Variants in CACNA2D4 observed in about 807,000 individuals in gnomAD.
CACNA2D4 encodes voltage-dependent calcium channel subunit alpha-2/delta-4.
CACNA2D4 carries 157 observed loss-of-function variants against 163.8 expected under a neutral mutation model. That is an observed-to-expected ratio of 0.96 (90% confidence interval 0.84 to 1.09). The LOEUF (loss-of-function observed/expected upper bound fraction) is 1.09, where lower values mean the gene tolerates loss of function less well. Among genes scored for constraint, CACNA2D4 ranks in the 50% least tolerant of loss-of-function variants. The probability of loss-of-function intolerance (pLI) is 0.00; values close to 1 mark genes in which losing one functional copy is unlikely to be tolerated. For synonymous variants in CACNA2D4, 598 were observed against 586.9 expected (o/e 1.02, Z -0.27); for missense variants, 1,410 against 1,479.9 (o/e 0.95, Z 0.78).
chr12:1,870,776 G>A (rs1214648501), intron 18 of CACNA2D4, among the ~76,000 whole-genome samples: 1 of 152,084 alleles, frequency 6.6e-6, no homozygotes, highest in African/African-American at 2.4e-5. Context: ...GGGGGTCTGT[G>A]AATTCTGTTA....
At chr12:1,832,006 A>T (rs912516280) in intron 26 of CACNA2D4, among the ~76,000 whole-genome samples, 3 of 152,210 alleles carry the variant, frequency 2.0e-5, no homozygotes, top group Non-Finnish European at 4.4e-5. Context: ...ATCCTCAGTA[A>T]AACCAAATCT....
In CACNA2D4 at chr12:1,884,948, T is replaced by C. The variant is rs1866099258; in HGVS notation, c.1158+39A>G. ...CACCCCCCTCCACCTGCCGCCTTCC[T>C]CCCAGTCCTCCCCTCCCAGGCCTCA... On this transcript the variant is annotated intron_variant, in intron 10 of 37. Coordinates refer to ENST00000382722, the MANE Select transcript of CACNA2D4 (RefSeq NM_172364.5). The C allele has an allele frequency of 1.9e-6, 3 of 1,601,134 alleles. No homozygotes were observed. In the African/African-American group the frequency reaches 4.0e-5, roughly 21 times the overall value.
At position 1,918,335 on chromosome 12, in the gene CACNA2D4, C is replaced by T. The variant is rs74606734; in HGVS notation, c.139G>A (p.Val47Met). The T allele has an allele frequency of 6.7e-4, 1,083 of 1,609,354 alleles. 3 individuals carry two copies. The African/African-American group carries it at 0.012, about 18-fold the overall frequency. The change falls in exon 1 of 38, where the codon GTG becomes ATG. Residue 47 changes from valine to methionine, a missense_variant. Physicochemically the swap from Val to Met is conservative, Grantham distance 21. Transcript: ENST00000382722. ...CACAGGAGGGCCGAGGTCTTCTGCA[C>T]AAAGGCCCAGGCCACGGGCATTGGC... ...LQPMPVAWAFVQKTSALLWLL... is the reference protein window; with the variant it reads ...LQPMPVAWAFMQKTSALLWLL...
In CACNA2D4 at chr12:1,878,378, G is replaced by A. The variant is rs371701676; in HGVS notation, c.1656C>T (p.His552=). ...TGTTGGTGTTCAGAAAGGCGTATCC[G>A]TGCACTCCAAGCTGCCAGAGTCCAG... ...KLAPRYKLGV[H]GYAFLNTNNG... is the part of the protein sequence containing the mutation. Residue 552 remains histidine, a synonymous_variant, in exon 16 of 38, where the codon CAC becomes CAT. Coordinates refer to ENST00000382722, the MANE Select transcript of CACNA2D4 (RefSeq NM_172364.5). The surrounding 1 kb of genome is among the most constrained non-coding windows in gnomAD (Gnocchi z 4.6). 5.2e-5 allele frequency: 84 copies of A among 1,604,412 alleles called. 1 individual carries two copies. Among genetic ancestry groups the A allele is most frequent in the South Asian group, 1.1e-4 (10 of 88,728 alleles).
At chr12:1,863,910 AT>A (rs765119279) in intron 18 of CACNA2D4, among the ~76,000 whole-genome samples, 3 of 147,678 alleles carry the variant, frequency 2.0e-5, no homozygotes, top group African/African-American at 5.0e-5. Context: ...AAAAAAAAAA[AT>A]AATAACACCC....
intron 25 of CACNA2D4, among the ~76,000 whole-genome samples, chr12:1,841,564 T>A (rs1056699647): frequency 9.2e-5 from 14 of 152,258 alleles, no homozygotes; most frequent in Non-Finnish European, 1.9e-4. Flanking sequence ...CTTCGGGGCC[T>A]CAGGCTTCTT....
In CACNA2D4 at chr12:1,915,354, AC is replaced by A. The variant is rs969959160; in HGVS notation, c.228-420del. 7.6e-6 allele frequency: 5 copies of A among 655,164 alleles called. No individual in the cohort carries two copies. In the African/African-American group the frequency reaches 9.0e-5, roughly 12 times the overall value. The allele number at this position is 655,164 out of a possible 1,614,324, so 40.6% of individuals were successfully genotyped here. On this transcript the variant is annotated intron_variant, in intron 1 of 37. Transcript: ENST00000382722. ...GCTGACGAGCCCAGGACTGAGCTTG[AC>A]CCCAAGCTTCCAGGGCCTCTGGTTG...
chr12:1,893,565 C>T (rs1329171394), intron 6 of CACNA2D4, among the ~76,000 whole-genome samples: 1 of 151,978 alleles, frequency 6.6e-6, no homozygotes, highest in African/African-American at 2.4e-5. Flanking sequence ...AGTATCTTCT[C>T]GGACTACAAT....
chr12:1,801,556 G>A lies in CACNA2D4; in HGVS notation c.2792+18C>T, dbSNP rs1163142100. The A allele has an allele frequency of 6.4e-7, 1 of 1,561,060 alleles. No individual in the cohort carries two copies. Among genetic ancestry groups the A allele is most frequent in the Non-Finnish European group, 8.7e-7 (1 of 1,146,900 alleles). On this transcript the variant is annotated intron_variant, in intron 30 of 37. Transcript: ENST00000382722. ...TTGCTGTGTCTATTTGGACTGGGGA[G>A]GAGTGTGCCCCACTTACTGGCTGAA...
Position 1,834,173 on chromosome 12 carries a change from T to G in CACNA2D4, c.2551+6566A>C. On this transcript the variant is annotated intron_variant, in intron 26 of 37. Transcript: ENST00000382722. This position sits in a 1 kb window ranked among gnomAD's most constrained non-coding sequence, Gnocchi z 7.6. Reference sequence around the variant, plus strand: ...GACTACATTGCTGATAAAAACTACCTTCTGGGGCTTCCGTTTTGGGGAGCT... The same window carrying G: ...GACTACATTGCTGATAAAAACTACCGTCTGGGGCTTCCGTTTTGGGGAGCT... 1.4e-6 allele frequency: 2 copies of G among 1,417,040 alleles called. No homozygotes were observed. Among genetic ancestry groups the G allele is most frequent in the Non-Finnish European group, 1.9e-6 (2 of 1,063,536 alleles). The allele number at this position is 1,417,040 out of a possible 1,614,324, so 87.8% of individuals were successfully genotyped here. A position where few individuals can be genotyped will look rare whatever the true frequency, so the allele number is the denominator to read the frequency against.
chr12:1,833,500 A>C lies in CACNA2D4; in HGVS notation c.2551+7239T>G, dbSNP rs1864720488. Among the ~76,000 whole-genome samples, 1 of 152,096 alleles carries C rather than the reference A, an allele frequency of 6.6e-6. No homozygotes were observed. Among genetic ancestry groups the C allele is most frequent in the East Asian group, 1.9e-4 (1 of 5,180 alleles). ...GACATCCTGGCGAGCCCGTGCGCCC[A>C]GGTACCCACACCTCCTCATCAACAC... On this transcript the variant is annotated intron_variant, in intron 26 of 37. Coordinates refer to ENST00000382722, the MANE Select transcript of CACNA2D4 (RefSeq NM_172364.5). This position sits in a 1 kb window ranked among gnomAD's most constrained non-coding sequence, Gnocchi z 4.2.
rs757756121 is a variant in CACNA2D4 at position 1,875,218 on chromosome 12, C to G, written c.1806+33G>C. 1.3e-6 allele frequency: 2 copies of G among 1,497,166 alleles called. No individual in the cohort carries two copies. The highest frequency in any genetic ancestry group is 1.9e-6 in the Non-Finnish European group (2 of 1,073,908). 92.7% of individuals were successfully genotyped at this position (1,497,166 alleles called of 1,614,324 possible). A position where few individuals can be genotyped will look rare whatever the true frequency, so the allele number is the denominator to read the frequency against. ...CCATTTAGTTGGATGTAGAGCCTAA[C>G]TAGCTTCCCTTCCCCCTATTTTCCC... On this transcript the variant is annotated intron_variant, in intron 17 of 37. Coordinates refer to ENST00000382722, the MANE Select transcript of CACNA2D4 (RefSeq NM_172364.5). This position sits in a 1 kb window ranked among gnomAD's most constrained non-coding sequence, Gnocchi z 4.0.
At chr12:1,848,846 G>A (rs1157613937) in intron 23 of CACNA2D4, among the ~76,000 whole-genome samples, 5 of 151,996 alleles carry the variant, frequency 3.3e-5, no homozygotes, top group African/African-American at 1.2e-4. Context: ...GGGCTCAAAC[G>A]ATCCTCTCGC....
intron 29 of CACNA2D4, among the ~76,000 whole-genome samples, chr12:1,804,121 C>CTGTGTGTGTGTGTGTGTGTG (rs57706301): frequency 1.4e-5 from 2 of 139,076 alleles, no homozygotes; most frequent in Non-Finnish European, 3.1e-5. Flanking sequence ...ATTCTAGTTA[C>CTGTGTGTGTGTGTGTGTGTG]TGTGTGTGTG....
At chr12:1,905,971 T>C (rs1446906748) in intron 6 of CACNA2D4, among the ~76,000 whole-genome samples, 1 of 152,032 alleles carries the variant, frequency 6.6e-6, no homozygotes, top group African/African-American at 2.4e-5. Flanking sequence ...GGTACTGGCA[T>C]AAAGAAAGGT....
At chr12:1,877,080 T>C (rs1401630899) in intron 16 of CACNA2D4, among the ~76,000 whole-genome samples, 2 of 152,256 alleles carry the variant, frequency 1.3e-5, no homozygotes, top group African/African-American at 4.8e-5. Flanking sequence ...AATCGTGTCC[T>C]GTGTGGTATT....
intron 1 of CACNA2D4, 80 bp from the exon 2 acceptor site, chr12:1,915,015 C>G: frequency 9.6e-7 from 1 of 1,042,734 alleles, no homozygotes; most frequent in Non-Finnish European, 1.5e-6. Context: ...CATATGGGTT[C>G]ACACACATAG....
intron 25 of CACNA2D4, 25 bp from the exon 26 acceptor site, chr12:1,840,844 C>CG: frequency 1.4e-6 from 2 of 1,435,012 alleles, no homozygotes; most frequent in Non-Finnish European, 1.9e-6. Context: ...ACAACCCAGT[C>CG]ATGGGGAAGA....
chr12:1,876,718 G>C (rs1265360641), intron 16 of CACNA2D4, among the ~76,000 whole-genome samples: 1 of 152,116 alleles, frequency 6.6e-6, no homozygotes, highest in Non-Finnish European at 1.5e-5. Context: ...CCTGGATCAT[G>C]CTTCTTGGTC....
Sources: allele counts gnomAD v4.1 joint callset (sites outside exome capture counted in the v4.1 genomes callset), GRCh38; gene constraint gnomAD v4.1.1; non-coding constraint Gnocchi (gnomAD v3.1); transcripts MANE v1.5; gene names NCBI Gene and HGNC (gene_info 2026-07-23, HGNC 2026-07-21).